MGLL: variants seen among roughly 807,000 people sequenced by gnomAD.
MGLL encodes lysophospholipase homolog.
In MGLL, 7 loss-of-function variants were observed where a neutral mutation model predicts 29.1. The ratio of observed to expected loss-of-function variants is 0.24; its 90% CI spans 0.14 to 0.45. MGLL has a LOEUF of 0.45. MGLL is among the 20% of genes least tolerant of loss of function. MGLL has a pLI of 0.99. For synonymous variants in MGLL, 148 were observed against 168.3 expected (o/e 0.88, Z 0.93); for missense variants, 356 against 413.6 (o/e 0.86, Z 1.21).
At chr3:127,756,224 G>A (rs1263583707) in intron 3 of MGLL, among the ~76,000 whole-genome samples, 1 of 152,214 alleles carries the variant, frequency 6.6e-6, no homozygotes, top group Non-Finnish European at 1.5e-5. Context: ...GTTACTCCAA[G>A]TATTAAGTAT....
chr3:127,723,746 T>G (rs1313095723), intron 3 of MGLL, among the ~76,000 whole-genome samples: 1 of 152,238 alleles, frequency 6.6e-6, no homozygotes, highest in African/African-American at 2.4e-5. Context: ...TTCAGTGGCA[T>G]CAACATTATT....
Position 127,761,215 on chromosome 3 carries a change from G to A in MGLL, c.262+20574C>T, listed in dbSNP as rs1414333173. On this transcript the variant is annotated intron_variant, in intron 3 of 7. Coordinates refer to ENST00000265052, the MANE Select transcript of MGLL (RefSeq NM_007283.7). The surrounding 1 kb of genome is among the most constrained non-coding windows in gnomAD (Gnocchi z 4.6). ...TTCCCTGTGGCCATCCGGACCCTTC[G>A]CACTATCAAGGGGCCCACCGCCTGG... Among the ~76,000 whole-genome samples the A allele has an allele frequency of 5.3e-5, 8 of 152,142 alleles. No homozygotes were observed. Among genetic ancestry groups the A allele is most frequent in the African/African-American group, 1.2e-4 (5 of 41,406 alleles).
chr3:127,722,703 T>TCTTGAA, intron 3 of MGLL, 137 bp from the exon 4 acceptor site: 1 of 1,222,784 alleles, frequency 8.2e-7, no homozygotes, highest in Non-Finnish European at 1.2e-6. Flanking sequence ...TTCCAGCCAC[T>TCTTGAA]CTTGAACGTT....
At chr3:127,754,371 A>C (rs2076618613) in intron 3 of MGLL, among the ~76,000 whole-genome samples, 1 of 150,818 alleles carries the variant, frequency 6.6e-6, no homozygotes. Flanking sequence ...AAAAAAAACC[A>C]GATCTATCAA....
intron 5 of MGLL, among the ~76,000 whole-genome samples, chr3:127,718,343 A>ACT (rs756812912): frequency 3.1e-4 from 47 of 152,154 alleles, no homozygotes; most frequent in African/African-American, 8.4e-4. Flanking sequence ...CTCTGCTACC[A>ACT]CTCACAGCCA....
At chr3:127,703,569 G>A (rs962883315) in intron 6 of MGLL, among the ~76,000 whole-genome samples, 1 of 152,200 alleles carries the variant, frequency 6.6e-6, no homozygotes, top group Non-Finnish European at 1.5e-5. Context: ...ATTCAGGATC[G>A]TGGTGTCTGC....
At chr3:127,811,050 C>T (rs1170787973) in intron 2 of MGLL, among the ~76,000 whole-genome samples, 1 of 149,158 alleles carries the variant, frequency 6.7e-6, no homozygotes, top group African/African-American at 2.6e-5. Flanking sequence ...TCACTAACTC[C>T]TTCGGTGATA....
intron 6 of MGLL, among the ~76,000 whole-genome samples, chr3:127,706,678 A>G (rs889515754): frequency 6.6e-6 from 1 of 152,216 alleles, no homozygotes. Context: ...TACTGGTAAT[A>G]AGACTGTCTC....
intron 2 of MGLL, 92 bp downstream of exon 2, chr3:127,821,602 G>GC: frequency 1.4e-6 from 2 of 1,480,806 alleles, no homozygotes; most frequent in South Asian, 2.3e-5. Flanking sequence ...AGAGAAAGCG[G>GC]CCCCGCCCCA....
intron 5 of MGLL, chr3:127,715,817 A>G (rs954523381): frequency 6.6e-6 from 3 of 456,760 alleles, no homozygotes; most frequent in Non-Finnish European, 8.8e-6. Flanking sequence ...CTGAGCTGTG[A>G]GCACACCAGG....
At chr3:127,706,284 G>A (rs1002117129) in intron 6 of MGLL, among the ~76,000 whole-genome samples, 4 of 152,280 alleles carry the variant, frequency 2.6e-5, no homozygotes, top group South Asian at 2.1e-4. Flanking sequence ...CATGTCCCAC[G>A]TACCCACAAA....
intron 7 of MGLL, among the ~76,000 whole-genome samples, chr3:127,693,079 A>T (rs2107575482): frequency 6.6e-6 from 1 of 152,032 alleles, no homozygotes; most frequent in Middle Eastern, 3.4e-3. Flanking sequence ...CTCCATCCGA[A>T]TTTCTGGCAG....
intron 3 of MGLL, among the ~76,000 whole-genome samples, chr3:127,733,880 C>G (rs903303101): frequency 1.3e-5 from 2 of 152,174 alleles, no homozygotes; most frequent in African/African-American, 4.8e-5. Context: ...CGCAGCTGCA[C>G]CTGGGTGGGT....
intron 1 of MGLL, 22 bp from the exon 2 acceptor site, chr3:127,821,860 T>C: frequency 6.2e-7 from 1 of 1,610,356 alleles, no homozygotes; most frequent in Non-Finnish European, 8.5e-7. Context: ...AGTGACATAT[T>C]CCAAAGTCAG....
intron 3 of MGLL, among the ~76,000 whole-genome samples, chr3:127,778,323 C>A (rs1373858988): frequency 2.6e-5 from 4 of 152,232 alleles, no homozygotes; most frequent in East Asian, 1.9e-4. Context: ...CCGCTCAGGG[C>A]AACCACACGG....
intron 3 of MGLL, among the ~76,000 whole-genome samples, chr3:127,758,320 T>C (rs540236640): frequency 6.6e-6 from 1 of 152,368 alleles, no homozygotes; most frequent in East Asian, 1.9e-4. Flanking sequence ...TAAAGTCATT[T>C]ATTGCTGCTC....
chr3:127,690,762 G>A lies in MGLL; in HGVS notation c.*1436C>T, dbSNP rs1308918605. ...TTTAGAAGGGGAAAGTATTCCCGAG[G>A]CGGGTGGTGAACCCCACTTATTGCT... On this transcript the variant is annotated 3_prime_UTR_variant, in exon 8 of 8. Coordinates refer to ENST00000265052, the MANE Select transcript of MGLL (RefSeq NM_007283.7). The A allele has an allele frequency of 6.5e-6, 1 of 152,852 alleles. No homozygotes were observed. The highest frequency in any genetic ancestry group is 2.4e-5 in the African/African-American group (1 of 41,480). 9.5% of individuals were successfully genotyped at this position (152,852 alleles called of 1,614,324 possible). A position where few individuals can be genotyped will look rare whatever the true frequency, so the allele number is the denominator to read the frequency against.
chr3:127,777,034 G>T (rs1171597757), intron 3 of MGLL, among the ~76,000 whole-genome samples: 2 of 152,150 alleles, frequency 1.3e-5, no homozygotes, highest in Admixed American at 6.5e-5. Flanking sequence ...CCCTTAGAGA[G>T]GGGCTGCTTG....
intron 5 of MGLL, among the ~76,000 whole-genome samples, chr3:127,716,729 T>A (rs1476171997): frequency 1.3e-5 from 2 of 152,254 alleles, no homozygotes; most frequent in Non-Finnish European, 2.9e-5. Context: ...CAATTACAGA[T>A]GCTGTTTCCT....
Sources: allele counts gnomAD v4.1 joint callset (sites outside exome capture counted in the v4.1 genomes callset), GRCh38; gene constraint gnomAD v4.1.1; non-coding constraint Gnocchi (gnomAD v3.1); transcripts MANE v1.5; gene names NCBI Gene and HGNC (gene_info 2026-07-23, HGNC 2026-07-21).